POU6F2: variants seen among roughly 807,000 people sequenced by gnomAD.
POU6F2 encodes POU class 6 homeobox 2.
In POU6F2, 31 loss-of-function variants were observed where a neutral mutation model predicts 71.3. The observed-to-expected ratio is 0.43, with a 90% confidence interval of 0.33 to 0.59. The LOEUF (loss-of-function observed/expected upper bound fraction) is 0.59. Ranked by LOEUF, POU6F2 falls within the 20% of genes least tolerant of loss-of-function variation. POU6F2 has a pLI of 0.04. For missense variants in POU6F2, 783 were observed against 856.8 expected (o/e 0.91, Z 1.07); for synonymous variants, 347 against 355.7 (o/e 0.98, Z 0.27).
intron 9 of POU6F2, among the ~76,000 whole-genome samples, chr7:39,462,245 G>GC (rs1562561895): frequency 2.0e-5 from 3 of 152,198 alleles, no homozygotes; most frequent in African/African-American, 7.2e-5. Context: ...GGAATTTCTA[G>GC]TATAATAGAA....
At chr7:39,383,733 A>AC (rs1285510392) in intron 5 of POU6F2, among the ~76,000 whole-genome samples, 1 of 152,140 alleles carries the variant, frequency 6.6e-6, no homozygotes, top group African/African-American at 2.4e-5. Flanking sequence ...CTCGAACCAG[A>AC]CCTCTGAAGA....
At chr7:39,408,367 G>A (rs1391626350) in intron 6 of POU6F2, among the ~76,000 whole-genome samples, 1 of 152,202 alleles carries the variant, frequency 6.6e-6, no homozygotes, top group Non-Finnish European at 1.5e-5. Context: ...TTATTTAGAA[G>A]GAATTATTAG....
intron 4 of POU6F2, among the ~76,000 whole-genome samples, chr7:39,231,895 G>A (rs1433886221): frequency 6.6e-6 from 1 of 152,102 alleles, no homozygotes; most frequent in African/African-American, 2.4e-5. Flanking sequence ...TTAATACATG[G>A]GGCTTTAAAT....
chr7:39,294,972 AT>A (rs2128763127), intron 4 of POU6F2, among the ~76,000 whole-genome samples: 2 of 152,286 alleles, frequency 1.3e-5, no homozygotes, highest in East Asian at 3.9e-4. Context: ...GGGAATGATC[AT>A]TTCATTTGGC....
chr7:39,019,166 C>T (rs1392847234), intron 1 of POU6F2, among the ~76,000 whole-genome samples: 2 of 152,166 alleles, frequency 1.3e-5, no homozygotes, highest in African/African-American at 4.8e-5. Flanking sequence ...TGAGTCCCCA[C>T]ATGCCTGAAA....
intron 1 of POU6F2, among the ~76,000 whole-genome samples, chr7:39,028,238 A>G (rs982755776): frequency 2.0e-5 from 3 of 152,082 alleles, no homozygotes; most frequent in African/African-American, 7.2e-5. Context: ...TGTTCATTCT[A>G]AAAATATTCT....
At position 39,465,243 on chromosome 7, in the gene POU6F2, C is replaced by G. The variant is rs17713143; in HGVS notation, c.*557C>G. ...CAGAAACATGGCATTGCAACGCGATCGTTCGTCTACGCTTCTCCGCACGTA... is the reference window on the plus strand; with the variant it reads ...CAGAAACATGGCATTGCAACGCGATGGTTCGTCTACGCTTCTCCGCACGTA... On this transcript the variant is annotated 3_prime_UTR_variant, in exon 10 of 10. Coordinates refer to ENST00000518318, the MANE Select transcript of POU6F2 (RefSeq NM_001370959.1). 6.6e-6 allele frequency: 1 copy of G among 152,590 alleles called. No homozygotes were observed. The highest frequency in any genetic ancestry group is 2.4e-5 in the African/African-American group (1 of 41,444). 9.5% of individuals were successfully genotyped at this position (152,590 alleles called of 1,614,324 possible). A position where few individuals can be genotyped will look rare whatever the true frequency, so the allele number is the denominator to read the frequency against.
chr7:39,299,842 CA>C (rs1784921406), intron 4 of POU6F2, among the ~76,000 whole-genome samples: 1 of 152,180 alleles, frequency 6.6e-6, no homozygotes, highest in Admixed American at 6.5e-5. Context: ...TGATGAGCCA[CA>C]ACTTGATTAA....
chr7:39,274,934 A>T (rs1416472224), intron 4 of POU6F2, among the ~76,000 whole-genome samples: 1 of 151,978 alleles, frequency 6.6e-6, no homozygotes, highest in Non-Finnish European at 1.5e-5. Flanking sequence ...ACAAACCCAC[A>T]GCCAATATCA....
At chr7:39,186,994 C>A (rs1793554503) in intron 2 of POU6F2, among the ~76,000 whole-genome samples, 1 of 152,178 alleles carries the variant, frequency 6.6e-6, no homozygotes, top group African/African-American at 2.4e-5. Context: ...AATGTGATCG[C>A]CAAGGTGGTC....
intron 2 of POU6F2, among the ~76,000 whole-genome samples, chr7:39,172,476 CTTG>C (rs1190902887): frequency 7.9e-5 from 12 of 152,054 alleles, no homozygotes; most frequent in Admixed American, 5.2e-4. Context: ...TCACTAGAAT[CTTG>C]TTATTTTCAA....
chr7:39,321,126 A>G (rs4584055), intron 4 of POU6F2, among the ~76,000 whole-genome samples: 90,511 of 152,008 alleles, frequency 0.6, 27,805 homozygotes, highest in East Asian at 0.72. Flanking sequence ...TAAAAGTTAT[A>G]TGAATGTGGT....
chr7:39,190,103 C>T (rs1177575819), intron 2 of POU6F2, among the ~76,000 whole-genome samples: 1 of 151,658 alleles, frequency 6.6e-6, no homozygotes, highest in Non-Finnish European at 1.5e-5. Flanking sequence ...GCCATGTTGT[C>T]CAGGCTGGTC....
chr7:39,284,750 C>G (rs11535192), intron 4 of POU6F2, among the ~76,000 whole-genome samples: 97,517 of 152,018 alleles, frequency 0.64, 31,426 homozygotes, highest in South Asian at 0.77. Flanking sequence ...CCATGCCACT[C>G]AAGAAATAAG....
At position 39,464,350 on chromosome 7, in the gene POU6F2, G is replaced by A. The variant is rs749948991; in HGVS notation, c.1827G>A (p.Arg609=). ...AGAAGATCAAGCCGGTGCTTGAGCG[G>A]TGGATGGCTGAGGCTGAGGCCCGCC... is the stretch of plus-strand genomic sequence containing the variant. ...SAQKIKPVLE[R]WMAEAEARHR... Residue 609 remains arginine, a synonymous_variant, in exon 10 of 10, where the codon CGG becomes CGA. Coordinates refer to ENST00000518318, the MANE Select transcript of POU6F2 (RefSeq NM_001370959.1). This position sits in a 1 kb window ranked among gnomAD's most constrained non-coding sequence, Gnocchi z 4.1. 6.2e-7 allele frequency: 1 copy of A among 1,614,030 alleles called. No homozygotes were observed. The highest frequency in any genetic ancestry group is 1.1e-5 in the South Asian group (1 of 91,086).
At chr7:39,337,701 T>TA (rs1785810165) in intron 4 of POU6F2, among the ~76,000 whole-genome samples, 2 of 152,218 alleles carry the variant, frequency 1.3e-5, no homozygotes, top group Admixed American at 6.5e-5. Context: ...AGACCCAAGT[T>TA]ACGTTCATAT....
At chr7:39,262,801 A>T (rs1221763274) in intron 4 of POU6F2, among the ~76,000 whole-genome samples, 2 of 152,208 alleles carry the variant, frequency 1.3e-5, no homozygotes, top group Non-Finnish European at 2.9e-5. Context: ...TTAAAAACAT[A>T]AAATGCATTG....
rs190313199 is a variant in POU6F2 at position 39,334,331 on chromosome 7, G to A, written c.599-5311G>A. On this transcript the variant is annotated intron_variant, in intron 4 of 9. Coordinates refer to ENST00000518318, the MANE Select transcript of POU6F2 (RefSeq NM_001370959.1). ...CATGAACATAAAAATAGAAATAGTA[G>A]ACACTGAGGACTCCAAAACAGGGAG... Among the ~76,000 whole-genome samples the A allele has an allele frequency of 2.0e-5, 3 of 152,112 alleles. No individual in the cohort carries two copies. In the East Asian group the frequency reaches 5.8e-4, roughly 29 times the overall value.
At chr7:39,366,229 G>A (rs533056058) in intron 5 of POU6F2, among the ~76,000 whole-genome samples, 1 of 152,332 alleles carries the variant, frequency 6.6e-6, no homozygotes, top group South Asian at 2.1e-4. Flanking sequence ...GGGAAAGGGT[G>A]TGGTCATTGA....
Sources: allele counts gnomAD v4.1 joint callset (sites outside exome capture counted in the v4.1 genomes callset), GRCh38; gene constraint gnomAD v4.1.1; non-coding constraint Gnocchi (gnomAD v3.1); transcripts MANE v1.5; gene names NCBI Gene and HGNC (gene_info 2026-07-23, HGNC 2026-07-21).